Variants in SET observed in about 807,000 individuals in gnomAD.
SET encodes the protein protein SET.
In SET, 4 loss-of-function variants were observed where a neutral mutation model predicts 39.0. The ratio of observed to expected loss-of-function variants is 0.10; its 90% CI spans 0.05 to 0.23. The LOEUF (loss-of-function observed/expected upper bound fraction) is 0.23, where lower values mean the gene tolerates loss of function less well. Ranked by LOEUF, SET falls within the 10% of genes least tolerant of loss-of-function variation. The probability of loss-of-function intolerance (pLI) is 1.00; values close to 1 mark genes in which losing one functional copy is unlikely to be tolerated. For missense variants in SET, 137 were observed against 329.7 expected (o/e 0.42, Z 4.53); for synonymous variants, 114 against 115.9 (o/e 0.98, Z 0.11).
upstream of SET, among the ~76,000 whole-genome samples, chr9:128,687,192 T>C (rs1206350812): frequency 2.0e-5 from 3 of 151,960 alleles, no homozygotes; most frequent in Non-Finnish European, 2.9e-5. Context: ...ACCCCGTCTC[T>C]ACTAAAAAAT....
chr9:128,685,279 T>C, upstream of SET: 2 of 1,323,720 alleles, frequency 1.5e-6, no homozygotes, highest in Non-Finnish European at 2.1e-6. Context: ...AGTACTGATC[T>C]CCAGGCTTGC....
In SET at chr9:128,691,132, TTTATC is replaced by T. The variant is rs748804653; in HGVS notation, c.74-34_74-30del. 2.7e-5 allele frequency: 41 copies of T among 1,531,236 alleles called. No homozygotes were observed. The South Asian group carries it at 4.7e-4, about 18-fold the overall frequency. The allele number at this position is 1,531,236 out of a possible 1,614,324, so 94.9% of individuals were successfully genotyped here. On this transcript the variant is annotated intron_variant, in intron 1 of 7. Transcript: ENST00000322030. ...ATTAACATCTGGAAAACTAGGTAAA[TTTATC>T]TTAGAATTAAGTTTTTTGCTCCTTT...
At chr9:128,684,023 A>T (rs1861203841) in intron 1 of SET, 1 of 1,519,728 alleles carries the variant, frequency 6.6e-7, no homozygotes, top group Non-Finnish European at 8.9e-7. Flanking sequence ...TTTCTGCGCT[A>T]AGTTTTATTG....
At chr9:128,684,480 C>T (rs963722456), upstream of SET, among the ~76,000 whole-genome samples, 1 of 152,166 alleles carries the variant, frequency 6.6e-6, no homozygotes, top group Admixed American at 6.5e-5. Context: ...CTTCCTCCTC[C>T]TCCCCTTCAG....
chr9:128,686,800 C>T (rs1861298663), upstream of SET, among the ~76,000 whole-genome samples: 1 of 151,726 alleles, frequency 6.6e-6, no homozygotes, highest in Admixed American at 6.6e-5. Context: ...GGTGATACCT[C>T]CTCTCTACAA....
chr9:128,683,535 T>C (rs1861187118), upstream of SET: 1 of 256,086 alleles, frequency 3.9e-6, no homozygotes, highest in Non-Finnish European at 7.5e-6. Context: ...CCTGTCTACC[T>C]GGGGGTTTGG....
upstream of SET, among the ~76,000 whole-genome samples, chr9:128,685,390 G>A (rs1861250096): frequency 6.6e-6 from 1 of 152,216 alleles, no homozygotes; most frequent in African/African-American, 2.4e-5. Flanking sequence ...AGTCTTCCTA[G>A]TTTCCTTCCA....
At chr9:128,683,762 T>C (rs981735724) in exon 1 of SET, 4 of 690,872 alleles carry the variant, frequency 5.8e-6, no homozygotes, top group Non-Finnish European at 9.5e-6. Context: ...CCCACTGTCA[T>C]GTAAATATCC....
chr9:128,684,962 G>C, upstream of SET: 1 of 1,311,378 alleles, frequency 7.6e-7, no homozygotes, highest in Non-Finnish European at 1.0e-6. Flanking sequence ...CTGTTCTGGT[G>C]ACTAGGTCTG....
chr9:128,691,848 T>A lies in SET; in HGVS notation c.132-10T>A. 1 of 1,604,990 alleles carries A rather than the reference T, an allele frequency of 6.2e-7. No homozygotes were observed. The highest frequency in any genetic ancestry group is 8.5e-7 in the Non-Finnish European group (1 of 1,176,316). The stretch of plus-strand genomic sequence containing the variant: ...CTATCATTGTCAACATCTCTTTTCA[T>A]TTGCTTCAGACTTAATGAACAAGCC... On this transcript the variant is annotated splice_polypyrimidine_tract_variant and intron_variant, in intron 2 of 7. Coordinates refer to ENST00000322030, the MANE Select transcript of SET (RefSeq NM_003011.4).
chr9:128,685,066 G>A, upstream of SET: 1 of 1,523,602 alleles, frequency 6.6e-7, no homozygotes, highest in Non-Finnish European at 8.8e-7. Context: ...TTGGCTGAGG[G>A]CAGGCAACTC....
intron 5 of SET, among the ~76,000 whole-genome samples, 176 bp downstream of exon 5, chr9:128,693,157 C>G (rs183971397): frequency 2.6e-5 from 4 of 152,240 alleles, no homozygotes; most frequent in Non-Finnish European, 2.9e-5. Context: ...TCATTAGATA[C>G]TACAGATGTA....
chr9:128,684,942 A>G, upstream of SET: 1 of 1,127,434 alleles, frequency 8.9e-7, no homozygotes, highest in Non-Finnish European at 1.2e-6. Context: ...GGAGCTGGAT[A>G]GAGAGTTGAC....
chr9:128,692,516 G>T (rs1034094070), intron 3 of SET, 146 bp from the exon 4 acceptor site: 37 of 585,902 alleles, frequency 6.3e-5, no homozygotes, highest in African/African-American at 6.0e-4. Context: ...GTGACAGTCT[G>T]ATATTGAGCA....
Position 128,693,883 on chromosome 9 carries a change from T to C in SET, c.664-13T>C. 1 of 1,593,492 alleles carries C rather than the reference T, an allele frequency of 6.3e-7. No individual in the cohort carries two copies. The highest frequency in any genetic ancestry group is 8.5e-7 in the Non-Finnish European group (1 of 1,172,230). On this transcript the variant is annotated splice_polypyrimidine_tract_variant and intron_variant, in intron 6 of 7. Coordinates refer to ENST00000322030, the MANE Select transcript of SET (RefSeq NM_003011.4). ...AAAAATGAGTCCTTATATTGTGCTT[T>C]TTTTTTTTTAAGGTTCCCGATATGG...
At chr9:128,684,065 C>CT (rs2132232060) in intron 1 of SET, 1 of 1,352,214 alleles carries the variant, frequency 7.4e-7, no homozygotes, top group African/African-American at 1.5e-5. Context: ...GATTGACTCT[C>CT]TGATTTTTAC....
chr9:128,685,002 T>C (rs1266110640), upstream of SET: 1 of 1,447,334 alleles, frequency 6.9e-7, no homozygotes, highest in Non-Finnish European at 9.1e-7. Flanking sequence ...GGTGGAGCCT[T>C]CCTGGGCTGG....
At chr9:128,689,992 G>A (rs1476627526) in intron 1 of SET, 8 of 1,011,498 alleles carry the variant, frequency 7.9e-6, no homozygotes, top group Non-Finnish European at 8.4e-6. Context: ...CCGCCATGAT[G>A]CCTCGCTCCC....
intron 3 of SET, chr9:128,692,250 C>T (rs972493442): frequency 5.6e-5 from 21 of 376,614 alleles, no homozygotes; most frequent in African/African-American, 1.9e-4. Flanking sequence ...ATTAGCTGGG[C>T]GTGGTGGCGC....
Sources: gnomAD v4.1 joint callset for allele counts (sites outside exome capture counted in the v4.1 genomes callset) on GRCh38, gnomAD v4.1.1 for gene constraint, MANE v1.5 for transcripts, NCBI Gene and HGNC (gene_info 2026-07-23, HGNC 2026-07-21) for gene names.